SLC26A8: variants seen among roughly 807,000 people sequenced by gnomAD.
SLC26A8 encodes the protein testis anion transporter 1.
In SLC26A8, 70 loss-of-function variants were observed where a neutral mutation model predicts 105.0. The observed-to-expected ratio is 0.67, with a 90% CI of 0.55 to 0.81. The LOEUF (loss-of-function observed/expected upper bound fraction) is 0.81. SLC26A8 is among the 40% of genes least tolerant of loss of function. The pLI, the probability that SLC26A8 is intolerant of heterozygous loss-of-function variation, is 0.00. For synonymous variants in SLC26A8, 415 were observed against 438.3 expected, an observed-to-expected ratio of 0.95 and a Z score of 0.66; for missense variants, 998 against 1,181.8, an observed-to-expected ratio of 0.84 and a Z score of 2.28.
intron 16 of SLC26A8, among the ~76,000 whole-genome samples, chr6:35,958,018 G>T (rs1772153195): frequency 6.6e-6 from 1 of 152,060 alleles, no homozygotes; most frequent in African/African-American, 2.4e-5. Flanking sequence ...TCTATCCTAA[G>T]AGCCCCACGT....
chr6:35,955,799 T>C (rs1403568671), intron 16 of SLC26A8, among the ~76,000 whole-genome samples: 1 of 152,164 alleles, frequency 6.6e-6, no homozygotes, highest in Non-Finnish European at 1.5e-5. Flanking sequence ...AAAACATCTT[T>C]TACTCCTTTT....
intron 16 of SLC26A8, among the ~76,000 whole-genome samples, 186 bp downstream of exon 16, chr6:35,959,274 T>C (rs1446710885): frequency 6.6e-6 from 1 of 152,070 alleles, no homozygotes; most frequent in Admixed American, 6.6e-5. Flanking sequence ...GGGGGAATCT[T>C]GTGCCTTTTT....
At chr6:35,964,923 G>A (rs1772447495) in intron 11 of SLC26A8, among the ~76,000 whole-genome samples, 1 of 150,868 alleles carries the variant, frequency 6.6e-6, no homozygotes, top group Non-Finnish European at 1.5e-5. Flanking sequence ...GCCGAGATTG[G>A]GCCACCGCTC....
At chr6:35,960,720 C>T (rs1464646151) in intron 14 of SLC26A8, 123 bp downstream of exon 14, 1 of 904,592 alleles carries the variant, frequency 1.1e-6, no homozygotes, top group African/African-American at 1.7e-5. Flanking sequence ...ACATCCCCCT[C>T]CTTTGTAAAT....
chr6:35,988,839 C>G (rs564784390), intron 7 of SLC26A8, among the ~76,000 whole-genome samples: 1 of 138,528 alleles, frequency 7.2e-6, no homozygotes, highest in East Asian at 2.5e-4. Flanking sequence ...CAGTTCTATA[C>G]GGTTTTTTTT....
At chr6:36,007,780 A>G (rs1203998360) in intron 3 of SLC26A8, among the ~76,000 whole-genome samples, 1 of 152,206 alleles carries the variant, frequency 6.6e-6, no homozygotes, top group Non-Finnish European at 1.5e-5. Flanking sequence ...TGCCTATTTG[A>G]TCTCTGACAA....
chr6:35,998,916 C>T lies in SLC26A8; in HGVS notation c.446-997G>A, dbSNP rs140253036. 8.0e-3 allele frequency among the ~76,000 whole-genome samples: 1,209 copies of T among 152,032 alleles called. 11 individuals are homozygous for T. Among genetic ancestry groups the T allele is most frequent in the Non-Finnish European group, 0.012 (818 of 67,974 alleles). ...TATTATTTATTTATTTATTTTGAGA[C>T]GGAGTTTCGCTCTTGTTGCCCAGGC... On this transcript the variant is annotated intron_variant, in intron 4 of 19. Coordinates refer to ENST00000490799, the MANE Select transcript of SLC26A8 (RefSeq NM_052961.4).
At chr6:36,023,996 T>G (rs1762194540) in intron 1 of SLC26A8, among the ~76,000 whole-genome samples, 1 of 151,764 alleles carries the variant, frequency 6.6e-6, no homozygotes, top group Non-Finnish European at 1.5e-5. Context: ...ATGCTCATTA[T>G]TGGGGTGGGG....
At chr6:35,961,329 A>G (rs927239014) in intron 12 of SLC26A8, among the ~76,000 whole-genome samples, 42 of 152,114 alleles carry the variant, frequency 2.8e-4, no homozygotes, top group Admixed American at 2.8e-3. Context: ...ATCTCTCTCA[A>G]AACTTCAATT....
chr6:35,944,193 G>C lies in SLC26A8; in HGVS notation c.2620C>G (p.Leu874Val), dbSNP rs531131699. Residue 874 changes from leucine (L) to valine (V), a missense_variant, in exon 20 of 20, where the codon CTG (leucine) becomes GTG (valine). Physicochemically the swap from Leu to Val is conservative, Grantham distance 32. Coordinates refer to ENST00000490799, the MANE Select transcript of SLC26A8 (RefSeq NM_052961.4). ...AGCTCCCGATCCAGGTCTAGGTCCA[G>C]ACCCAGCCCAGCCTCTTGTTCTGAT... is the stretch of plus-strand genomic sequence containing the variant. ...LESEQEAGLG[L>V]DLDLDRELEP... 6.8e-6 allele frequency: 11 copies of C among 1,614,054 alleles called. No individual in the cohort carries two copies. The highest frequency in any genetic ancestry group is 2.7e-5 in the African/African-American group (2 of 75,036).
intron 8 of SLC26A8, among the ~76,000 whole-genome samples, chr6:35,980,936 C>G (rs1480624751): frequency 6.6e-6 from 1 of 151,846 alleles, no homozygotes; most frequent in East Asian, 1.9e-4. Flanking sequence ...CACTTGAACC[C>G]GGGAGGTGGA....
At chr6:35,968,629 A>AGCG (rs1772642950) in intron 11 of SLC26A8, among the ~76,000 whole-genome samples, 1 of 103,688 alleles carries the variant, frequency 9.6e-6, no homozygotes, top group African/African-American at 3.9e-5. Context: ...ATATATATAT[A>AGCG]TATATATATA....
chr6:35,989,441 T>C (rs1773664273), intron 7 of SLC26A8: 1 of 152,236 alleles, frequency 6.6e-6, no homozygotes, highest in Non-Finnish European at 1.5e-5. Context: ...TCTCCGGGTT[T>C]GTTCCTTATT....
At chr6:35,982,349 G>C in intron 7 of SLC26A8, 146 bp from the exon 8 acceptor site, 1 of 709,808 alleles carries the variant, frequency 1.4e-6, no homozygotes, top group Non-Finnish European at 2.4e-6. Flanking sequence ...TGGAGAGAGA[G>C]GCATGGCTAG....
chr6:35,971,563 C>T (rs1772796708), intron 10 of SLC26A8, among the ~76,000 whole-genome samples: 1 of 152,226 alleles, frequency 6.6e-6, no homozygotes, highest in African/African-American at 2.4e-5. Context: ...TCTTAAGTGA[C>T]AGGCACCCAT....
intron 3 of SLC26A8, among the ~76,000 whole-genome samples, chr6:36,006,996 A>T: frequency 6.6e-6 from 1 of 152,190 alleles, no homozygotes; most frequent in East Asian, 1.9e-4. Flanking sequence ...TAACCTAATA[A>T]AGGACATCAA....
chr6:35,983,703 C>T (rs957772219), intron 7 of SLC26A8, among the ~76,000 whole-genome samples: 2 of 152,142 alleles, frequency 1.3e-5, no homozygotes, highest in African/African-American at 4.8e-5. Flanking sequence ...AGGCGTGTGC[C>T]ACCACATCTG....
intron 5 of SLC26A8, among the ~76,000 whole-genome samples, chr6:35,993,370 A>G (rs1038176133): frequency 6.6e-6 from 1 of 152,016 alleles, no homozygotes; most frequent in African/African-American, 2.4e-5. Context: ...AGATGTTAAC[A>G]TTCCTCTGAG....
rs139745818 is a variant in SLC26A8 at position 35,977,633 on chromosome 6, A to G, written c.1026-282T>C. Reference sequence around the variant, plus strand: ...CAGGCCAAACATTAACGATTCACGAAAAATGGTTTCTTGATACTGTTTGAG... The same window carrying G: ...CAGGCCAAACATTAACGATTCACGAGAAATGGTTTCTTGATACTGTTTGAG... On this transcript the variant is annotated intron_variant, in intron 8 of 19. Transcript: ENST00000490799. Among the ~76,000 whole-genome samples the G allele has an allele frequency of 3.0e-3, 462 of 152,318 alleles. 5 individuals are homozygous for G. The highest frequency in any genetic ancestry group is 0.01 in the African/African-American group (435 of 41,582).
Sources: gnomAD v4.1 joint callset for allele counts (sites outside exome capture counted in the v4.1 genomes callset) on GRCh38, gnomAD v4.1.1 for gene constraint, MANE v1.5 for transcripts, NCBI Gene and HGNC (gene_info 2026-07-23, HGNC 2026-07-21) for gene names.